RIMBP2: variants seen among roughly 807,000 people sequenced by gnomAD.
RIMBP2 encodes the protein RIMS binding protein 2.
In RIMBP2, 48 loss-of-function variants were observed where a neutral mutation model predicts 118.6. That is an observed-to-expected ratio of 0.40 (90% CI 0.32 to 0.51). RIMBP2 has a LOEUF of 0.51. Ranked by LOEUF, RIMBP2 falls within the 20% of genes least tolerant of loss-of-function variation. The pLI is 0.41. For synonymous variants in RIMBP2, 762 were observed against 742.9 expected (o/e 1.03, Z -0.42); for missense variants, 1,551 against 1,768.3 (o/e 0.88, Z 2.20).
chr12:130,698,257 C>T (rs113893033), intron 1 of RIMBP2, among the ~76,000 whole-genome samples: 17 of 152,268 alleles, frequency 1.1e-4, no homozygotes, highest in African/African-American at 2.6e-4. Context: ...CTTTGGGTCT[C>T]GTTACAGCCA....
Position 130,523,170 on chromosome 12 carries a change from T to C in RIMBP2, c.-216-5253A>G, listed in dbSNP as rs536337237. The stretch of plus-strand genomic sequence containing the variant: ...GCCTCCATGTCTGTCTGTGTCTCTG[T>C]TTCTCTGCCTCTCTGTCTCTATTTC... On this transcript the variant is annotated intron_variant, in intron 2 of 22. Transcript: ENST00000690449. The surrounding 1 kb of genome is among the most constrained non-coding windows in gnomAD (Gnocchi z 4.4). 3.3e-5 allele frequency among the ~76,000 whole-genome samples: 5 copies of C among 152,220 alleles called. No individual in the cohort carries two copies. The highest frequency in any genetic ancestry group is 9.6e-5 in the African/African-American group (4 of 41,536).
In RIMBP2 at chr12:130,704,270, G is replaced by A. The variant is rs117246251; in HGVS notation, c.-352+11952C>T. ...CTCTCATTAGGGCTGGGCTCCTGAC[G>A]TCTTGTTTAAAAAATAAACAAAAAG... On this transcript the variant is annotated intron_variant, in intron 1 of 22. Coordinates refer to ENST00000690449, the MANE Select transcript of RIMBP2 (RefSeq NM_001393629.1). 2.7e-3 allele frequency among the ~76,000 whole-genome samples: 410 copies of A among 152,202 alleles called. 3 individuals carry two copies. The highest frequency in any genetic ancestry group is 4.1e-3 in the Non-Finnish European group (277 of 68,014).
intron 2 of RIMBP2, among the ~76,000 whole-genome samples, chr12:130,615,276 C>CATATATATATACATATAT (rs2060846762): frequency 1.0e-5 from 1 of 100,266 alleles, no homozygotes; most frequent in South Asian, 3.8e-4. Flanking sequence ...AATACACATA[C>CATATATATATACATATAT]ATATATATAT....
chr12:130,598,267 G>C (rs1298633953), intron 2 of RIMBP2, among the ~76,000 whole-genome samples: 1 of 152,202 alleles, frequency 6.6e-6, no homozygotes, highest in Admixed American at 6.5e-5. Flanking sequence ...TCTTGCGTTT[G>C]TGGATCGGAA....
At chr12:130,624,786 A>G (rs2061520627) in intron 2 of RIMBP2, among the ~76,000 whole-genome samples, 1 of 152,164 alleles carries the variant, frequency 6.6e-6, no homozygotes, top group Admixed American at 6.5e-5. Context: ...GTGTCATGGC[A>G]CTATCTCAGC....
intron 2 of RIMBP2, among the ~76,000 whole-genome samples, chr12:130,535,450 G>A (rs35708573): frequency 0.29 from 43,922 of 151,822 alleles, 7,231 homozygotes; most frequent in African/African-American, 0.46. Flanking sequence ...GGAGGTCAAG[G>A]CTGCAGTGAG....
At chr12:130,712,514 C>T (rs553085497) in intron 1 of RIMBP2, among the ~76,000 whole-genome samples, 4 of 152,252 alleles carry the variant, frequency 2.6e-5, no homozygotes, top group East Asian at 3.9e-4. Flanking sequence ...CGTCCTGTCC[C>T]GCTGGGAGGT....
chr12:130,640,441 A>C (rs1382261369), intron 1 of RIMBP2, among the ~76,000 whole-genome samples: 1 of 152,174 alleles, frequency 6.6e-6, no homozygotes, highest in South Asian at 2.1e-4. Context: ...GTATCGTGCT[A>C]TTTTCTAAAA....
chr12:130,533,107 G>A (rs538221611), intron 2 of RIMBP2, among the ~76,000 whole-genome samples: 40 of 149,908 alleles, frequency 2.7e-4, no homozygotes, highest in African/African-American at 8.3e-4. Context: ...AATGAGATGC[G>A]TGTGTTTAGC....
intron 6 of RIMBP2, among the ~76,000 whole-genome samples, chr12:130,463,300 TCCCCATCCC>T: frequency 6.6e-6 from 1 of 152,264 alleles, no homozygotes; most frequent in African/African-American, 2.4e-5. Context: ...GTGCTGCTCC[TCCCCATCCC>T]GAGGCCACCT....
rs1009460761 is a variant in RIMBP2, at chr12:130,648,209, A to AG, written c.-351-19754dup. On this transcript the variant is annotated intron_variant, in intron 1 of 22. Coordinates refer to ENST00000690449, the MANE Select transcript of RIMBP2 (RefSeq NM_001393629.1). Reference sequence around the variant, plus strand: ...GAAAAAATGTTTCTCACAGCTGTCAAGGGAAAAGGGGAAATCCCATTTCGT... The same window carrying AG: ...GAAAAAATGTTTCTCACAGCTGTCAAGGGGAAAAGGGGAAATCCCATTTCGT... Among the ~76,000 whole-genome samples, 2 of 146,140 alleles carry AG rather than the reference A, an allele frequency of 1.4e-5. 1 individual carries two copies. Among genetic ancestry groups the AG allele is most frequent in the Non-Finnish European group, 3.1e-5 (2 of 64,510 alleles).
chr12:130,396,974 G>A lies in RIMBP2; in HGVS notation c.*387C>T, dbSNP rs2074118251. 1 of 155,760 alleles carries A rather than the reference G, an allele frequency of 6.4e-6. No individual in the cohort carries two copies. Among genetic ancestry groups the A allele is most frequent in the Admixed American group, 6.5e-5 (1 of 15,386 alleles). The allele number at this position is 155,760 out of a possible 1,614,324, so 9.6% of individuals were successfully genotyped here. ...AGACCAGAGTCAAAGTGAAAGTTAT[G>A]CATTATGAGGCAAGCATTTTGAGAA... is the stretch of plus-strand genomic sequence containing the variant. On this transcript the variant is annotated 3_prime_UTR_variant, in exon 23 of 23. Transcript: ENST00000690449.
chr12:130,547,762 G>C (rs750798560), intron 2 of RIMBP2, among the ~76,000 whole-genome samples: 1 of 152,306 alleles, frequency 6.6e-6, no homozygotes, highest in African/African-American at 2.4e-5. Flanking sequence ...AGCAAAGCAC[G>C]ATCACAGAAA....
Position 130,539,687 on chromosome 12 carries a change from G to C in RIMBP2, c.-216-21770C>G, listed in dbSNP as rs940279420. On this transcript the variant is annotated intron_variant, in intron 2 of 22. Transcript: ENST00000690449. ...GGTGTAGGATATGGCAAATGCAGTC[G>C]ATGAGGTGGCCAGGTGTAGGCTATG... 3.8e-5 allele frequency among the ~76,000 whole-genome samples: 5 copies of C among 133,164 alleles called. No individual in the cohort carries two copies. In the South Asian group the frequency reaches 8.0e-4, roughly 21 times the overall value. The allele number at this position is 133,164 out of a possible 152,430, so 87.4% of individuals were successfully genotyped here. A position where few individuals can be genotyped will look rare whatever the true frequency, so the allele number is the denominator to read the frequency against.
chr12:130,580,958 T>G (rs1456273512), intron 2 of RIMBP2, among the ~76,000 whole-genome samples: 1 of 152,040 alleles, frequency 6.6e-6, no homozygotes, highest in Non-Finnish European at 1.5e-5. Flanking sequence ...TTTGTTTGTG[T>G]GTGTGTGTGT....
At position 130,434,783 on chromosome 12, in the gene RIMBP2, C is replaced by T. The variant is rs2077385950; in HGVS notation, c.2204G>A (p.Arg735Lys). 3.7e-6 allele frequency: 6 copies of T among 1,613,934 alleles called. No homozygotes were observed. The highest frequency in any genetic ancestry group is 1.1e-5 in the South Asian group (1 of 91,074). The change falls in exon 14 of 23, where the codon AGG becomes AAG. Residue 735 changes from arginine (R) to lysine (K), a missense_variant. Arg to Lys is a conservative substitution (Grantham distance 26, BLOSUM62 2). Transcript: ENST00000690449. The surrounding 1 kb of genome is among the most constrained non-coding windows in gnomAD (Gnocchi z 5.7). ...DAYDSPDFKR[R>K]GASVDDFLKG... ...CAGGAAGTCGTCCACCGAGGCGCCCCTCCTCTTGAAGTCTGGAGAGTCATA... is the reference window on the plus strand; with the variant it reads ...CAGGAAGTCGTCCACCGAGGCGCCCTTCCTCTTGAAGTCTGGAGAGTCATA...
Position 130,451,320 on chromosome 12 carries a change from C to T in RIMBP2, c.379G>A (p.Gly127Ser), listed in dbSNP as rs145013136. Reference sequence around the variant, plus strand: ...ATATATTCACCGATCGCAGAGCTGCCTCCAATAGCGCTCTCCTGACCTGGC... The same window carrying T: ...ATATATTCACCGATCGCAGAGCTGCTTCCAATAGCGCTCTCCTGACCTGGC... ...LGKGQESAIGGSSAIGEYIRP... is the reference protein window; with the variant it reads ...LGKGQESAIGSSSAIGEYIRP... Residue 127 changes from glycine (G) to serine (S), a missense_variant, in exon 8 of 23, where the codon GGC becomes AGC. Gly to Ser is a moderately conservative substitution (Grantham distance 56, BLOSUM62 0). Coordinates refer to ENST00000690449, the MANE Select transcript of RIMBP2 (RefSeq NM_001393629.1). 2.8e-5 allele frequency: 45 copies of T among 1,613,488 alleles called. No individual in the cohort carries two copies. In the African/African-American group the frequency reaches 4.8e-4, roughly 17 times the overall value.
chr12:130,545,068 C>T (rs1322787962), intron 2 of RIMBP2, among the ~76,000 whole-genome samples: 1 of 152,158 alleles, frequency 6.6e-6, no homozygotes, highest in East Asian at 1.9e-4. Flanking sequence ...ATCTCACATT[C>T]ACTTATAAAA....
intron 4 of RIMBP2, among the ~76,000 whole-genome samples, chr12:130,488,536 G>C (rs1182301654): frequency 6.6e-6 from 1 of 152,136 alleles, no homozygotes; most frequent in Non-Finnish European, 1.5e-5. Flanking sequence ...ATCCATCCTG[G>C]CATGAGGACA....
Sources: allele counts gnomAD v4.1 joint callset (sites outside exome capture counted in the v4.1 genomes callset), GRCh38; gene constraint gnomAD v4.1.1; non-coding constraint Gnocchi (gnomAD v3.1); transcripts MANE v1.5; gene names NCBI Gene and HGNC (gene_info 2026-07-23, HGNC 2026-07-21).